Variants in ZNF528 observed in about 807,000 individuals in gnomAD.
ZNF528 encodes the protein zinc finger protein 528.
ZNF528 carries 9 observed loss-of-function variants against 13.3 expected under a neutral mutation model. That is an observed-to-expected ratio of 0.67 (90% CI 0.41 to 1.18). The LOEUF (loss-of-function observed/expected upper bound fraction) is 1.18, where lower values mean the gene tolerates loss of function less well. Ranked by LOEUF, ZNF528 falls within the 50% of genes most tolerant of loss-of-function variation. ZNF528 has a pLI of 0.01. For synonymous variants in ZNF528, 264 were observed against 254.3 expected (o/e 1.04, Z -0.36); for missense variants, 858 against 745.4 (o/e 1.15, Z -1.76).
chr19:52,415,035 G>A (rs746563130), intron 6 of ZNF528, 89 bp from the exon 7 acceptor site: 25 of 1,589,144 alleles, frequency 1.6e-5, no homozygotes, highest in Admixed American at 5.3e-5. Flanking sequence ...CAATGTCTGA[G>A]TCAGGTGAGG....
chr19:52,406,305 A>G (rs1316629270), intron 5 of ZNF528, among the ~76,000 whole-genome samples: 1 of 152,006 alleles, frequency 6.6e-6, no homozygotes, highest in African/African-American at 2.4e-5. Context: ...CCTGTTTTCT[A>G]CCCCTGTGCT....
At chr19:52,413,338 C>T (rs1043932389) in intron 6 of ZNF528, 5 of 152,194 alleles carry the variant, frequency 3.3e-5, no homozygotes, top group Non-Finnish European at 7.3e-5. Context: ...AATTCCGTGT[C>T]AGATACGCAG....
chr19:52,414,925 C>G lies in ZNF528; in HGVS notation c.272-199C>G. On this transcript the variant is annotated intron_variant, in intron 6 of 6. Transcript: ENST00000360465. ...CTGTTTCAGATTTACCCATAATTCT[C>G]TCGACTCCTGCAGATTCCCCACTGC... The G allele has an allele frequency of 2.0e-6, 3 of 1,512,814 alleles. No individual in the cohort carries two copies. In the Middle Eastern group the frequency reaches 5.1e-4, roughly 258 times the overall value. The allele number at this position is 1,512,814 out of a possible 1,614,324, so 93.7% of individuals were successfully genotyped here.
In ZNF528 at chr19:52,400,088, A is replaced by C. The variant is rs1035032921; in HGVS notation, c.-137+1469A>C. 3.3e-5 allele frequency among the ~76,000 whole-genome samples: 5 copies of C among 152,194 alleles called. 1 individual carries two copies. The highest frequency in any genetic ancestry group is 6.8e-3 in the Middle Eastern group (2 of 292). ...CTGTCCCTGCTCCTGGCTGCTGCTGATGCTGAGACTGTGTGCCACAGGCCA... is the reference window on the plus strand; with the variant it reads ...CTGTCCCTGCTCCTGGCTGCTGCTGCTGCTGAGACTGTGTGCCACAGGCCA... On this transcript the variant is annotated intron_variant, in intron 2 of 6. Coordinates refer to ENST00000360465, the MANE Select transcript of ZNF528 (RefSeq NM_032423.3).
chr19:52,404,996 T>TC (rs1184855008), intron 4 of ZNF528, among the ~76,000 whole-genome samples: 1 of 151,610 alleles, frequency 6.6e-6, no homozygotes, highest in African/African-American at 2.4e-5. Flanking sequence ...GGCAGGTGGA[T>TC]CAGGAGGTCA....
chr19:52,407,939 C>G (rs562543700), intron 6 of ZNF528, among the ~76,000 whole-genome samples: 31 of 152,028 alleles, frequency 2.0e-4, no homozygotes, highest in African/African-American at 7.2e-4. Context: ...TCTCGAACTC[C>G]TGGCCTCATG....
rs2290745 is a variant in ZNF528 at position 52,406,050 on chromosome 19, C to A, written c.142+17C>A. The A allele has an allele frequency of 6.9e-6, 11 of 1,604,354 alleles. No homozygotes were observed. In the African/African-American group the frequency reaches 1.1e-4, roughly 16 times the overall value. The stretch of plus-strand genomic sequence containing the variant: ...TCTCCCTGGGTGAGGATAATGTCCC[C>A]TCAGAAGCCGGGATCTGCCCTGGTG... On this transcript the variant is annotated intron_variant, in intron 5 of 6. Coordinates refer to ENST00000360465, the MANE Select transcript of ZNF528 (RefSeq NM_032423.3).
At chr19:52,405,764 G>A (rs558776976) in intron 4 of ZNF528, 143 bp from the exon 5 acceptor site, 174 of 1,067,534 alleles carry the variant, frequency 1.6e-4, no homozygotes, top group South Asian at 7.5e-4. Flanking sequence ...TTACAGACAC[G>A]TAACTGGCTC....
chr19:52,402,434 C>T, intron 4 of ZNF528: 1 of 227,926 alleles, frequency 4.4e-6, no homozygotes, highest in Non-Finnish European at 8.6e-6. Flanking sequence ...GACAGAGTCT[C>T]ACACGTTGCC....
Position 52,416,808 on chromosome 19 carries a change from A to G in ZNF528, c.*69A>G. 1 of 1,440,298 alleles carries G rather than the reference A, an allele frequency of 6.9e-7. No homozygotes were observed. Among genetic ancestry groups the G allele is most frequent in the South Asian group, 1.4e-5 (1 of 70,690 alleles). 89.2% of individuals were successfully genotyped at this position (1,440,298 alleles called of 1,614,324 possible). A position where few individuals can be genotyped will look rare whatever the true frequency, so the allele number is the denominator to read the frequency against. On this transcript the variant is annotated 3_prime_UTR_variant, in exon 7 of 7. Coordinates refer to ENST00000360465, the MANE Select transcript of ZNF528 (RefSeq NM_032423.3). ...AGCATTAATCAACATCAGTGAGTCCATACTAAGTGGAAATCATATAAATGA... is the reference window on the plus strand; with the variant it reads ...AGCATTAATCAACATCAGTGAGTCCGTACTAAGTGGAAATCATATAAATGA...
intron 6 of ZNF528, among the ~76,000 whole-genome samples, chr19:52,411,147 G>A (rs755511046): frequency 9.9e-5 from 15 of 152,140 alleles, no homozygotes; most frequent in African/African-American, 1.9e-4. Context: ...AATGATATAC[G>A]CAGTGGGAAA....
chr19:52,404,950 G>A (rs1030447148), intron 4 of ZNF528, among the ~76,000 whole-genome samples: 1 of 151,882 alleles, frequency 6.6e-6, no homozygotes, highest in Non-Finnish European at 1.5e-5. Context: ...GGGCACAGTG[G>A]CTTACGCCTG....
chr19:52,401,146 C>G (rs939299059), intron 2 of ZNF528, among the ~76,000 whole-genome samples: 7 of 152,142 alleles, frequency 4.6e-5, no homozygotes, highest in Non-Finnish European at 7.4e-5. Context: ...ACCCACCCCT[C>G]TCCCCTGAAT....
In ZNF528 at chr19:52,415,741, T is replaced by TA. The variant is rs2058993187; in HGVS notation, c.890dup (p.Tyr297Ter). The change falls in exon 7 of 7, where the codon TAC becomes TAAC. Residue 297 changes from tyrosine to a stop codon, truncating the protein, a stop_gained and frameshift_variant. Transcript: ENST00000360465. LOFTEE classifies it low-confidence loss of function (END_TRUNC). ...HQRIHTGEKP[Y>*]KCHECDKVFN... is the part of the protein sequence containing the mutation. The stretch of plus-strand genomic sequence containing the variant: ...AAGAATTCATACTGGAGAGAAGCCT[T>TA]ACAAATGTCATGAATGTGACAAGGT... 1 of 1,614,142 alleles carries TA rather than the reference T, an allele frequency of 6.2e-7. No individual in the cohort carries two copies. The highest frequency in any genetic ancestry group is 2.2e-5 in the East Asian group (1 of 44,822).
Position 52,416,847 on chromosome 19 carries a change from C to T in ZNF528, c.*108C>T, listed in dbSNP as rs2059011651. ...TCATATAAATGAAATGTATGTGACA[C>T]AGGCTTTATCAAGGCCTGCCAAATC... is the stretch of plus-strand genomic sequence containing the variant. On this transcript the variant is annotated 3_prime_UTR_variant, in exon 7 of 7. Transcript: ENST00000360465. The T allele has an allele frequency of 8.3e-7, 1 of 1,198,088 alleles. No homozygotes were observed. The highest frequency in any genetic ancestry group is 1.7e-5 in the South Asian group (1 of 59,606). 74.2% of individuals were successfully genotyped at this position (1,198,088 alleles called of 1,614,324 possible). A position where few individuals can be genotyped will look rare whatever the true frequency, so the allele number is the denominator to read the frequency against.
At chr19:52,410,832 G>T (rs12460065) in intron 6 of ZNF528, among the ~76,000 whole-genome samples, 2,639 of 152,248 alleles carry the variant, frequency 0.017, 85 homozygotes, top group African/African-American at 0.061. Flanking sequence ...CTCCTTGCAG[G>T]GTTTGGTAAA....
intron 6 of ZNF528, chr19:52,414,304 G>T: frequency 1.4e-6 from 1 of 702,542 alleles, no homozygotes; most frequent in Non-Finnish European, 2.6e-6. Context: ...TGGGTCACCA[G>T]TTGCCACCTG....
rs115561414 is a variant in ZNF528, at chr19:52,397,887, C to T, written c.-407C>T. On this transcript the variant is annotated 5_prime_UTR_variant, in exon 1 of 7. Coordinates refer to ENST00000360465, the MANE Select transcript of ZNF528 (RefSeq NM_032423.3). Reference sequence around the variant, plus strand: ...CCCGGAAGCCGATTGCAGGGAGAAACTGTTTTCGCAGCAGTGCGTGAGTTT... The same window carrying T: ...CCCGGAAGCCGATTGCAGGGAGAAATTGTTTTCGCAGCAGTGCGTGAGTTT... 2.6e-5 allele frequency: 4 copies of T among 152,356 alleles called. No homozygotes were observed. The highest frequency in any genetic ancestry group is 2.6e-4 in the Admixed American group (4 of 15,304). 9.4% of individuals were successfully genotyped at this position (152,356 alleles called of 1,614,324 possible).
At position 52,415,408 on chromosome 19, in the gene ZNF528, T is replaced by A; in HGVS notation, c.556T>A (p.Tyr186Asn). ...EQKAHIREKA[Y>N]KCNEHGQVFR... is the part of the protein sequence containing the mutation. Reference sequence around the variant, plus strand: ...GAAAGCACACATTAGGGAAAAAGCTTATAAATGTAATGAGCACGGCCAAGT... The same window carrying A: ...GAAAGCACACATTAGGGAAAAAGCTAATAAATGTAATGAGCACGGCCAAGT... The change falls in exon 7 of 7, where the codon TAT becomes AAT. Residue 186 changes from tyrosine (Y) to asparagine (N), a missense_variant. Tyr to Asn is a moderately radical substitution (Grantham distance 143). Coordinates refer to ENST00000360465, the MANE Select transcript of ZNF528 (RefSeq NM_032423.3). 6.2e-7 allele frequency: 1 copy of A among 1,614,168 alleles called. No homozygotes were observed. Among genetic ancestry groups the A allele is most frequent in the South Asian group, 1.1e-5 (1 of 91,086 alleles).
Sources: allele counts gnomAD v4.1 joint callset (sites outside exome capture counted in the v4.1 genomes callset), GRCh38; gene constraint gnomAD v4.1.1; transcripts MANE v1.5; gene names NCBI Gene and HGNC (gene_info 2026-07-23, HGNC 2026-07-21).